B3GALT1: variants seen among roughly 807,000 people sequenced by gnomAD.
The protein encoded by B3GALT1 is UDP-Gal:betaGlcNAc beta 1,3-galactosyltransferase, polypeptide 1.
In B3GALT1, 10 loss-of-function variants were observed where a neutral mutation model predicts 23.2. The ratio of observed to expected loss-of-function variants is 0.43; its 90% confidence interval spans 0.27 to 0.73. B3GALT1 has a LOEUF of 0.73. B3GALT1 is among the 30% of genes least tolerant of loss of function. B3GALT1 has a pLI of 0.21. For missense variants in B3GALT1, 299 were observed against 405.4 expected (o/e 0.74, Z 2.25); for synonymous variants, 156 against 141.5 (o/e 1.10, Z -0.73).
At chr2:167,319,242 C>T (rs1000820086) in intron 1 of B3GALT1, among the ~76,000 whole-genome samples, 5 of 152,048 alleles carry the variant, frequency 3.3e-5, no homozygotes, top group African/African-American at 4.8e-5. Context: ...CTACAATAGG[C>T]AGATCTGCAT....
At chr2:167,461,981 A>G (rs1348662170) in intron 1 of B3GALT1, among the ~76,000 whole-genome samples, 2 of 152,278 alleles carry the variant, frequency 1.3e-5, no homozygotes, top group African/African-American at 4.8e-5. Context: ...GTATTTGCCA[A>G]TTTCTGTGGA....
chr2:167,528,797 ATTTAT>A (rs1683267573), intron 2 of B3GALT1, among the ~76,000 whole-genome samples: 1 of 152,028 alleles, frequency 6.6e-6, no homozygotes, highest in Non-Finnish European at 1.5e-5. Context: ...AATACTTTTC[ATTTAT>A]TTTGTTTTGT....
At chr2:167,497,790 T>C (rs1297183606) in intron 2 of B3GALT1, among the ~76,000 whole-genome samples, 1 of 151,890 alleles carries the variant, frequency 6.6e-6, no homozygotes, top group African/African-American at 2.4e-5. Context: ...ACAGAGGCCA[T>C]TGATGACCTT....
chr2:167,549,011 T>C (rs983978483), intron 2 of B3GALT1, among the ~76,000 whole-genome samples: 3 of 152,326 alleles, frequency 2.0e-5, no homozygotes, highest in South Asian at 2.1e-4. Context: ...TGTTTATTGA[T>C]GCCTGAATAT....
chr2:167,865,636 C>A (rs1690198535), intron 4 of B3GALT1, among the ~76,000 whole-genome samples: 1 of 151,604 alleles, frequency 6.6e-6, no homozygotes, highest in Admixed American at 6.6e-5. Context: ...CTAAAAAATA[C>A]AAAAAATTAG....
At chr2:167,504,714 C>A (rs115391030) in intron 2 of B3GALT1, among the ~76,000 whole-genome samples, 2,341 of 152,190 alleles carry the variant, frequency 0.015, 62 homozygotes, top group African/African-American at 0.053. Context: ...TTTTACTGTA[C>A]CTTTTTAATG....
At chr2:167,673,657 G>C (rs760390891) in intron 3 of B3GALT1, among the ~76,000 whole-genome samples, 3 of 151,644 alleles carry the variant, frequency 2.0e-5, no homozygotes, top group Admixed American at 6.6e-5. Context: ...CTTATATTGA[G>C]AACCCAAAAG....
chr2:167,683,464 C>G (rs1686569345), intron 3 of B3GALT1, among the ~76,000 whole-genome samples: 1 of 152,144 alleles, frequency 6.6e-6, no homozygotes, highest in South Asian at 2.1e-4. Context: ...CACAGTAGCT[C>G]ATGCCTAGCA....
intron 3 of B3GALT1, chr2:167,714,138 T>A: frequency 1.3e-6 from 2 of 1,527,228 alleles, no homozygotes; most frequent in Non-Finnish European, 1.8e-6. Flanking sequence ...CAAGGCATAT[T>A]AAAACTTCTG....
chr2:167,759,676 T>C (rs1687871128), intron 3 of B3GALT1, among the ~76,000 whole-genome samples: 1 of 152,134 alleles, frequency 6.6e-6, no homozygotes, highest in South Asian at 2.1e-4. Context: ...GTTGATTTTT[T>C]TCCACTGTGC....
intron 1 of B3GALT1, among the ~76,000 whole-genome samples, chr2:167,346,155 C>T (rs868631547): frequency 6.6e-6 from 1 of 151,464 alleles, no homozygotes; most frequent in African/African-American, 2.4e-5. Context: ...CGAAAATAAC[C>T]ATTTTGTGAT....
intron 2 of B3GALT1, among the ~76,000 whole-genome samples, chr2:167,501,333 T>G (rs1274066734): frequency 6.6e-6 from 1 of 152,010 alleles, no homozygotes; most frequent in African/African-American, 2.4e-5. Context: ...TAACTCAGTA[T>G]TTAAAAATAT....
intron 1 of B3GALT1, among the ~76,000 whole-genome samples, chr2:167,330,936 C>A (rs1392452823): frequency 6.6e-6 from 1 of 151,782 alleles, no homozygotes; most frequent in African/African-American, 2.4e-5. Context: ...ATGTTCATAT[C>A]TGCACATCTA....
intron 1 of B3GALT1, among the ~76,000 whole-genome samples, chr2:167,468,512 C>T (rs959007008): frequency 2.6e-5 from 4 of 152,088 alleles, no homozygotes; most frequent in African/African-American, 9.7e-5. Context: ...AATTTAAAAA[C>T]ACTCAAACTT....
intron 3 of B3GALT1, among the ~76,000 whole-genome samples, chr2:167,804,181 G>T (rs1408121338): frequency 1.3e-5 from 2 of 151,998 alleles, no homozygotes; most frequent in Non-Finnish European, 2.9e-5. Flanking sequence ...GTAGAGACGA[G>T]ATTTCACCAC....
In B3GALT1 at chr2:167,296,720, T is replaced by C. The variant is rs1574021751; in HGVS notation, c.-511+3386T>C. On this transcript the variant is annotated intron_variant, in intron 1 of 4. Transcript: ENST00000392690. The stretch of plus-strand genomic sequence containing the variant: ...ACTATGTGCAAAATACTGTTCTGTT[T>C]GCTTTGACTGTGTGAATGAATACAT... Among the ~76,000 whole-genome samples, 3 of 152,340 alleles carry C rather than the reference T, an allele frequency of 2.0e-5. No individual in the cohort carries two copies. The South Asian group carries it at 6.2e-4, about 32-fold the overall frequency.
At chr2:167,449,174 G>A (rs1216068373) in intron 1 of B3GALT1, among the ~76,000 whole-genome samples, 3 of 152,114 alleles carry the variant, frequency 2.0e-5, no homozygotes, top group Admixed American at 6.5e-5. Flanking sequence ...TGAATCTGTA[G>A]ATTGCTTTTG....
intron 3 of B3GALT1, among the ~76,000 whole-genome samples, chr2:167,757,541 G>A (rs989369138): frequency 4.0e-5 from 6 of 151,898 alleles, no homozygotes; most frequent in Non-Finnish European, 7.4e-5. Context: ...TTTTAAAGGG[G>A]GGAAAAAGGC....
At chr2:167,511,814 GA>G (rs1355353721) in intron 2 of B3GALT1, among the ~76,000 whole-genome samples, 3 of 151,942 alleles carry the variant, frequency 2.0e-5, no homozygotes, top group Non-Finnish European at 4.4e-5. Context: ...TGAATTTCAT[GA>G]AAAAATAACT....
Sources: allele counts gnomAD v4.1 joint callset (sites outside exome capture counted in the v4.1 genomes callset), GRCh38; gene constraint gnomAD v4.1.1; transcripts MANE v1.5; gene names NCBI Gene and HGNC (gene_info 2026-07-23, HGNC 2026-07-21).